TASP1: variants seen among roughly 807,000 people sequenced by gnomAD.
TASP1 encodes the protein taspase 1, also known as threonine aspartase 1.
Under a neutral mutation model 56.6 loss-of-function variants are expected in TASP1, and 16 were observed. The observed-to-expected ratio is 0.28, with a 90% CI of 0.19 to 0.43. TASP1 has a LOEUF of 0.43. Among genes scored for constraint, TASP1 ranks in the 20% least tolerant of loss-of-function variants. The probability of loss-of-function intolerance (pLI) is 1.00; values close to 1 mark genes in which losing one functional copy is unlikely to be tolerated. For missense variants in TASP1, 393 were observed against 511.6 expected, an observed-to-expected ratio of 0.77 and a Z score of 2.24; for synonymous variants, 179 against 184.2, an observed-to-expected ratio of 0.97 and a Z score of 0.23.
chr20:13,386,988 T>C (rs552489625), downstream of TASP1, among the ~76,000 whole-genome samples: 1 of 152,174 alleles, frequency 6.6e-6, no homozygotes, highest in Non-Finnish European at 1.5e-5. Flanking sequence ...TAGGACCCGA[T>C]AGGTGGTTTT....
At chr20:13,158,149 T>C in the TASP1 span, among the ~76,000 whole-genome samples, 1 of 152,234 alleles carries the variant, frequency 6.6e-6, no homozygotes, top group Non-Finnish European at 1.5e-5. Flanking sequence ...GATGGTGTTA[T>C]ACAAGAGGTA....
At chr20:13,555,786 GAT>G (rs773186433) in intron 8 of TASP1, among the ~76,000 whole-genome samples, 2 of 152,130 alleles carry the variant, frequency 1.3e-5, no homozygotes, top group Non-Finnish European at 2.9e-5. Flanking sequence ...ACCTTGTCCA[GAT>G]CCATCAGAGG....
the TASP1 span, among the ~76,000 whole-genome samples, chr20:13,321,276 A>AAAAAAAAAAAAAAAAAAAAAAAAC: frequency 7.0e-6 from 1 of 143,536 alleles, no homozygotes; most frequent in Non-Finnish European, 1.5e-5. Context: ...AAAAAAAAAA[A>AAAAAAAAAAAAAAAAAAAAAAAAC]GATTTTATGA....
the TASP1 span, among the ~76,000 whole-genome samples, chr20:13,321,053 G>A: frequency 6.6e-6 from 1 of 151,712 alleles, no homozygotes; most frequent in Non-Finnish European, 1.5e-5. Flanking sequence ...ACAAAAATTA[G>A]CCAGGCATGG....
the TASP1 span, among the ~76,000 whole-genome samples, chr20:13,154,349 C>G: frequency 6.6e-6 from 1 of 152,142 alleles, no homozygotes; most frequent in African/African-American, 2.4e-5. Flanking sequence ...AGACTGAGCT[C>G]TCTCCCTAAA....
the TASP1 span, among the ~76,000 whole-genome samples, chr20:13,157,510 T>C: frequency 6.6e-6 from 1 of 152,168 alleles, no homozygotes; most frequent in African/African-American, 2.4e-5. Flanking sequence ...CCAGTTCCAT[T>C]TGCTTCATAA....
At position 13,623,468 on chromosome 20, in the gene TASP1, G is replaced by A; in HGVS notation, c.260C>T (p.Thr87Ile). Residue 87 changes from threonine to isoleucine, a missense_variant, in exon 4 of 14, where the codon ACT becomes ATT. Coordinates refer to ENST00000337743, the MANE Select transcript of TASP1 (RefSeq NM_017714.3). ...TACCTCAAGTTCCACCAGTGCTGCA[G>A]TGACTGCGTCAGTTGCAAGAGCACC... ...QAGALATDAV[T>I]AALVELEDSP... The A allele has an allele frequency of 6.2e-7, 1 of 1,609,584 alleles. No homozygotes were observed. The highest frequency in any genetic ancestry group is 8.5e-7 in the Non-Finnish European group (1 of 1,176,202).
chr20:13,326,473 G>A, the TASP1 span, among the ~76,000 whole-genome samples: 1 of 152,068 alleles, frequency 6.6e-6, no homozygotes, highest in African/African-American at 2.4e-5. Flanking sequence ...ATCAATATGT[G>A]AGTGTTCCAT....
chr20:13,264,655 G>C, the TASP1 span, among the ~76,000 whole-genome samples: 10 of 152,156 alleles, frequency 6.6e-5, no homozygotes, highest in Non-Finnish European at 8.8e-5. Context: ...ATCCACCTTG[G>C]TCACAAACAC....
At chr20:13,281,463 G>A in the TASP1 span, among the ~76,000 whole-genome samples, 5 of 152,164 alleles carry the variant, frequency 3.3e-5, no homozygotes, top group African/African-American at 7.2e-5. Flanking sequence ...TGTTCATGGC[G>A]TTTCACATAT....
chr20:13,174,266 T>C, the TASP1 span, among the ~76,000 whole-genome samples: 366 of 152,306 alleles, frequency 2.4e-3, 3 homozygotes, highest in East Asian at 0.012. Context: ...AGTTCATGAT[T>C]AAATAGATGT....
intron 10 of TASP1, among the ~76,000 whole-genome samples, chr20:13,502,514 C>T (rs1029633939): frequency 2.6e-5 from 4 of 152,112 alleles, no homozygotes; most frequent in African/African-American, 9.7e-5. Context: ...AACCATAAAA[C>T]TAACAATATA....
chr20:13,307,672 T>A, the TASP1 span, among the ~76,000 whole-genome samples: 1 of 152,214 alleles, frequency 6.6e-6, no homozygotes, highest in African/African-American at 2.4e-5. Context: ...GACCTTCGGG[T>A]AAATGGAATC....
chr20:13,562,092 A>G (rs1355083515), intron 7 of TASP1, among the ~76,000 whole-genome samples: 1 of 152,250 alleles, frequency 6.6e-6, no homozygotes, highest in Non-Finnish European at 1.5e-5. Context: ...TGTACAATGT[A>G]TCTTCTCCAA....
intron 8 of TASP1, among the ~76,000 whole-genome samples, chr20:13,551,623 T>C (rs759543466): frequency 5.9e-5 from 9 of 152,196 alleles, no homozygotes; most frequent in Non-Finnish European, 8.8e-5. Context: ...TTCAATCAGT[T>C]TGTTTTCCCA....
At chr20:13,597,489 T>C (rs1381706561) in intron 4 of TASP1, among the ~76,000 whole-genome samples, 2 of 152,192 alleles carry the variant, frequency 1.3e-5, no homozygotes, top group Admixed American at 6.5e-5. Flanking sequence ...ACAGCCTTCA[T>C]GCTAAAAACT....
intron 11 of TASP1, among the ~76,000 whole-genome samples, chr20:13,441,175 T>C (rs958597332): frequency 2.0e-5 from 3 of 152,120 alleles, no homozygotes; most frequent in South Asian, 2.1e-4. Context: ...AGACCCTCAA[T>C]GTATTCTCAT....
chr20:13,636,489 T>G (rs926076629), intron 1 of TASP1, among the ~76,000 whole-genome samples: 2 of 151,942 alleles, frequency 1.3e-5, no homozygotes, highest in African/African-American at 4.8e-5. Flanking sequence ...ATCGTGATAT[T>G]GAAGGTTTAA....
chr20:13,502,859 C>A (rs1180005531), intron 10 of TASP1, among the ~76,000 whole-genome samples: 2 of 152,084 alleles, frequency 1.3e-5, no homozygotes, highest in African/African-American at 4.8e-5. Context: ...AGCACAAGAT[C>A]CAGAATAAAT....
Sources: gnomAD v4.1 joint callset for allele counts (sites outside exome capture counted in the v4.1 genomes callset) on GRCh38, gnomAD v4.1.1 for gene constraint, MANE v1.5 for transcripts, NCBI Gene and HGNC (gene_info 2026-07-23, HGNC 2026-07-21) for gene names.